Variants in SLC36A1 observed in about 807,000 individuals in gnomAD.
SLC36A1 encodes the protein solute carrier family 36 member 1, also known as proton-coupled amino acid transporter 1.
Under a neutral mutation model 47.5 loss-of-function variants are expected in SLC36A1, and 30 were observed. That is an observed-to-expected ratio of 0.63 (90% CI 0.47 to 0.86). The LOEUF is 0.86. SLC36A1 is among the 40% of genes least tolerant of loss of function. SLC36A1 has a pLI of 0.00. For missense variants in SLC36A1, 517 were observed against 606.0 expected, an observed-to-expected ratio of 0.85 and a Z score of 1.54; for synonymous variants, 255 against 249.7, an observed-to-expected ratio of 1.02 and a Z score of -0.20.
chr5:151,532,938 A>G, the SLC36A1 span, among the ~76,000 whole-genome samples: 2 of 152,238 alleles, frequency 1.3e-5, no homozygotes, highest in Non-Finnish European at 2.9e-5. Flanking sequence ...ATGCCATGCA[A>G]CTTCCCCATA....
the SLC36A1 span, among the ~76,000 whole-genome samples, chr5:151,388,577 G>C: frequency 1.3e-5 from 2 of 151,250 alleles, no homozygotes; most frequent in African/African-American, 2.4e-5. Flanking sequence ...CCTAGTTGTG[G>C]CTCAACCACC....
At chr5:151,540,331 T>C in the SLC36A1 span, among the ~76,000 whole-genome samples, 339 of 151,246 alleles carry the variant, frequency 2.2e-3, 2 homozygotes, top group African/African-American at 7.6e-3. Flanking sequence ...CAGAGATGGG[T>C]CCCTCGGTCC....
downstream of SLC36A1, among the ~76,000 whole-genome samples, chr5:151,492,677 C>T (rs1323906905): frequency 6.6e-6 from 1 of 152,218 alleles, no homozygotes; most frequent in African/African-American, 2.4e-5. Context: ...ACATGACAGC[C>T]AGTTTTATAT....
the SLC36A1 span, among the ~76,000 whole-genome samples, chr5:151,423,506 T>C: frequency 1.3e-5 from 2 of 152,194 alleles, no homozygotes; most frequent in African/African-American, 2.4e-5. Flanking sequence ...GAGCCTTAAA[T>C]GCATATTGCT....
In SLC36A1 at chr5:151,449,384, A is replaced by C. The variant is rs573102821; in HGVS notation, c.-6+1571A>C. ...AAAAATGTTCTTGAAGTCAAGTGGA[A>C]AGGGACAAACTTTGTGTTTGTCTGG... is the stretch of plus-strand genomic sequence containing the variant. On this transcript the variant is annotated intron_variant, in intron 1 of 10. Coordinates refer to ENST00000243389, the MANE Select transcript of SLC36A1 (RefSeq NM_078483.4). 8.5e-5 allele frequency among the ~76,000 whole-genome samples: 13 copies of C among 152,338 alleles called. No homozygotes were observed. In the South Asian group the frequency reaches 2.7e-3, roughly 32 times the overall value.
At chr5:151,418,643 G>A in the SLC36A1 span, among the ~76,000 whole-genome samples, 1 of 152,230 alleles carries the variant, frequency 6.6e-6, no homozygotes, top group African/African-American at 2.4e-5. Context: ...TGTCTAGGAA[G>A]TAACTAACTT....
chr5:151,534,466 C>T, the SLC36A1 span: 8 of 1,613,774 alleles, frequency 5.0e-6, no homozygotes, highest in Non-Finnish European at 5.1e-6. Context: ...GTGGTGTTGT[C>T]GAAGACAGCC....
the SLC36A1 span, among the ~76,000 whole-genome samples, chr5:151,508,069 C>T: frequency 1.3e-5 from 2 of 152,182 alleles, no homozygotes; most frequent in African/African-American, 4.8e-5. Context: ...AGATCAGCCA[C>T]CTTACAATGG....
chr5:151,546,432 G>T, the SLC36A1 span: 1 of 865,682 alleles, frequency 1.2e-6, no homozygotes, highest in Non-Finnish European at 1.8e-6. Context: ...CACAAAACCT[G>T]GACAGAGCAA....
At chr5:151,402,548 G>A in the SLC36A1 span, among the ~76,000 whole-genome samples, 2 of 152,112 alleles carry the variant, frequency 1.3e-5, no homozygotes, top group Admixed American at 1.3e-4. Context: ...TTTTGGAATA[G>A]TTTCAGTAGG....
chr5:151,514,916 C>G, the SLC36A1 span, among the ~76,000 whole-genome samples: 1 of 152,232 alleles, frequency 6.6e-6, no homozygotes, highest in Admixed American at 6.5e-5. Context: ...ACAGCATACA[C>G]ACATGGTGTT....
chr5:151,477,688 A>G lies in SLC36A1; in HGVS notation c.989+932A>G, dbSNP rs944319046. ...GTGTGACATTTGGATACATATGTAC[A>G]ATGTGTAATTATCAAATCAGGGTAA... On this transcript the variant is annotated intron_variant, in intron 9 of 10. Transcript: ENST00000243389. 5 of 152,222 alleles carry G rather than the reference A, an allele frequency of 3.3e-5. No individual in the cohort carries two copies. In the East Asian group the frequency reaches 9.6e-4, roughly 29 times the overall value. The allele number at this position is 152,222 out of a possible 1,614,324, so 9.4% of individuals were successfully genotyped here. A position where few individuals can be genotyped will look rare whatever the true frequency, so the allele number is the denominator to read the frequency against.
At chr5:151,376,141 G>A in the SLC36A1 span, among the ~76,000 whole-genome samples, 268 of 152,108 alleles carry the variant, frequency 1.8e-3, no homozygotes, top group Middle Eastern at 3.4e-3. Flanking sequence ...TGTTGTATAC[G>A]GCCCTTGTTG....
At chr5:151,428,707 A>G in the SLC36A1 span, among the ~76,000 whole-genome samples, 7 of 151,800 alleles carry the variant, frequency 4.6e-5, no homozygotes, top group Non-Finnish European at 1.0e-4. Context: ...ATCTCGGCTC[A>G]CTGCAACCTC....
At chr5:151,529,681 A>T in the SLC36A1 span, among the ~76,000 whole-genome samples, 2 of 152,198 alleles carry the variant, frequency 1.3e-5, no homozygotes, top group African/African-American at 2.4e-5. Context: ...TATCTCATTG[A>T]GATCTATAAA....
the SLC36A1 span, chr5:151,511,893 GT>G: frequency 2.0e-6 from 1 of 493,712 alleles, no homozygotes; most frequent in South Asian, 2.5e-5. Flanking sequence ...ACTAAGGTAT[GT>G]GATTAATTCA....
chr5:151,499,140 C>T, the SLC36A1 span, among the ~76,000 whole-genome samples: 1 of 152,250 alleles, frequency 6.6e-6, no homozygotes. Context: ...ATCAATCTAA[C>T]CAGGCACCTT....
chr5:151,443,046 C>T (rs1752714856), upstream of SLC36A1, among the ~76,000 whole-genome samples: 1 of 152,046 alleles, frequency 6.6e-6, no homozygotes, highest in Non-Finnish European at 1.5e-5. Context: ...TGTCAATAGA[C>T]ACTTGGATTG....
the SLC36A1 span, among the ~76,000 whole-genome samples, chr5:151,552,707 AG>A: frequency 6.6e-6 from 1 of 152,218 alleles, no homozygotes; most frequent in Non-Finnish European, 1.5e-5. Flanking sequence ...AGGCCATCAG[AG>A]CCCGGATCCA....
Sources: allele counts gnomAD v4.1 joint callset (sites outside exome capture counted in the v4.1 genomes callset), GRCh38; gene constraint gnomAD v4.1.1; transcripts MANE v1.5; gene names NCBI Gene and HGNC (gene_info 2026-07-23, HGNC 2026-07-21).